The following CABIN1 variants were observed in gnomAD, a reference collection of about 807,000 sequenced individuals.
The protein encoded by CABIN1 is calcineurin-binding protein cabin-1.
Under a neutral mutation model 227.7 loss-of-function variants are expected in CABIN1, and 133 were observed. The ratio of observed to expected loss-of-function variants is 0.58; its 90% CI spans 0.51 to 0.67. The LOEUF (loss-of-function observed/expected upper bound fraction) is 0.67. Ranked by LOEUF, CABIN1 falls within the 30% of genes least tolerant of loss-of-function variation. CABIN1 has a pLI of 0.00. For missense variants in CABIN1, 2,408 were observed against 2,852.5 expected, an observed-to-expected ratio of 0.84 and a Z score of 3.55; for synonymous variants, 1,086 against 1,155.1, an observed-to-expected ratio of 0.94 and a Z score of 1.21.
chr22:24,165,468 A>G (rs2046390505), intron 30 of CABIN1, 62 bp from the exon 31 acceptor site: 1 of 1,415,212 alleles, frequency 7.1e-7, no homozygotes, highest in Non-Finnish European at 9.9e-7. Flanking sequence ...GCCACCATCC[A>G]GCAGTGCCAT....
chr22:24,098,284 T>A, intron 26 of CABIN1, 92 bp downstream of exon 26: 11 of 1,253,704 alleles, frequency 8.8e-6, no homozygotes, highest in East Asian at 5.7e-5. Context: ...TTCGTTTTGG[T>A]GAGGGGGGGT....
chr22:24,039,137 T>A (rs1343651006), intron 4 of CABIN1, among the ~76,000 whole-genome samples: 1 of 152,124 alleles, frequency 6.6e-6, no homozygotes, highest in Non-Finnish European at 1.5e-5. Context: ...TATATTTCAT[T>A]AGGAGGAAAG....
chr22:24,068,991 TA>T (rs1178432614), intron 16 of CABIN1, among the ~76,000 whole-genome samples: 1 of 152,252 alleles, frequency 6.6e-6, no homozygotes, highest in Non-Finnish European at 1.5e-5. Flanking sequence ...AACAGAGAGA[TA>T]AAAAGAGTAT....
In CABIN1 at chr22:24,020,723, TTGG is replaced by T. The variant is rs748855638; in HGVS notation, c.-75+9362_-75+9364del. On this transcript the variant is annotated intron_variant, in intron 1 of 36. Transcript: ENST00000263119. ...TTTAGATAGACACACCTTTCTTCTG[TTGG>T]TGGTGATGGTCGTGTTAGTAAATTC... Among the ~76,000 whole-genome samples, 11 of 152,310 alleles carry T rather than the reference TTGG, an allele frequency of 7.2e-5. No homozygotes were observed. In the East Asian group the frequency reaches 1.3e-3, roughly 19 times the overall value.
chr22:24,069,011 G>A (rs1261042210), intron 16 of CABIN1, among the ~76,000 whole-genome samples: 1 of 152,214 alleles, frequency 6.6e-6, no homozygotes, highest in African/African-American at 2.4e-5. Flanking sequence ...ATTTGCTTTT[G>A]TTTTATTCCC....
chr22:24,034,742 A>G (rs1043977910), intron 1 of CABIN1, among the ~76,000 whole-genome samples: 2 of 152,202 alleles, frequency 1.3e-5, no homozygotes, highest in African/African-American at 4.8e-5. Flanking sequence ...GAGATTCTAA[A>G]TCTCCACATC....
chr22:24,156,094 G>A (rs2045779561), intron 29 of CABIN1: 1 of 415,446 alleles, frequency 2.4e-6, no homozygotes, highest in Non-Finnish European at 4.3e-6. Context: ...CTTGGCGGGG[G>A]CGGGGGCCGG....
rs1312128654 is a variant in CABIN1, at chr22:24,177,664, C to G, written c.6366C>G (p.Ser2122Arg). 2 of 1,613,772 alleles carry G rather than the reference C, an allele frequency of 1.2e-6. No individual in the cohort carries two copies. Among genetic ancestry groups the G allele is most frequent in the African/African-American group, 2.7e-5 (2 of 74,924 alleles). ...PEGHPGKPEP[S>R]RAKSRPLPNM... ...GTCACCCAGGCAAGCCTGAGCCCAG[C>G]CGGGCTAAGTCCCGCCCCCTGCCCA... The change falls in exon 36 of 37, where the codon AGC (serine) becomes AGG (arginine). Residue 2122 changes from serine to arginine, a missense_variant. Physicochemically the swap from Ser to Arg is moderately radical, Grantham distance 110. Coordinates refer to ENST00000263119, the MANE Select transcript of CABIN1 (RefSeq NM_012295.4). The surrounding 1 kb of genome is among the most constrained non-coding windows in gnomAD (Gnocchi z 4.4).
chr22:24,050,388 C>CA (rs2038230366), intron 7 of CABIN1, among the ~76,000 whole-genome samples: 1 of 152,154 alleles, frequency 6.6e-6, no homozygotes, highest in Non-Finnish European at 1.5e-5. Flanking sequence ...GTAGGGCCTC[C>CA]AAGCCCCTGC....
At chr22:24,115,007 G>C (rs1310506159) in intron 27 of CABIN1, among the ~76,000 whole-genome samples, 2 of 152,264 alleles carry the variant, frequency 1.3e-5, no homozygotes, top group Non-Finnish European at 2.9e-5. Context: ...GCAGTCGCCA[G>C]CCAGTGTTGA....
chr22:24,084,553 A>G (rs2041023400), intron 20 of CABIN1, 26 bp from the exon 21 acceptor site: 1 of 1,577,846 alleles, frequency 6.3e-7, no homozygotes, highest in Admixed American at 1.7e-5. Context: ...ATGTGTTACT[A>G]ATCTGCCTTC....
chr22:24,085,426 C>T (rs950533652), intron 22 of CABIN1, among the ~76,000 whole-genome samples: 2 of 152,210 alleles, frequency 1.3e-5, no homozygotes, highest in African/African-American at 4.8e-5. Context: ...TCCATCTGGA[C>T]CCTGGTGTGC....
chr22:24,136,928 G>C (rs1394250044), intron 29 of CABIN1, among the ~76,000 whole-genome samples: 1 of 152,250 alleles, frequency 6.6e-6, no homozygotes, highest in African/African-American at 2.4e-5. Context: ...AATGAAGTGA[G>C]CCCTTTGTCA....
In CABIN1 at chr22:24,086,789, G is replaced by A. The variant is rs542796427; in HGVS notation, c.3264-663G>A. Among the ~76,000 whole-genome samples, 73 of 152,196 alleles carry A rather than the reference G, an allele frequency of 4.8e-4. 1 individual carries two copies. The highest frequency in any genetic ancestry group is 1.7e-3 in the African/African-American group (71 of 41,524). ...GTGTTCTCACTATCAGTTTCTTTCG[G>A]GTGGTCTCAGAATGGTAGGGTCTCA... On this transcript the variant is annotated intron_variant, in intron 22 of 36. Coordinates refer to ENST00000263119, the MANE Select transcript of CABIN1 (RefSeq NM_012295.4).
Position 24,070,868 on chromosome 22 carries a change from T to C in CABIN1, c.2301T>C (p.Ala767=), listed in dbSNP as rs1293859611. The change falls in exon 17 of 37, where the codon GCT becomes GCC. Residue 767 remains alanine (A), a synonymous_variant. Coordinates refer to ENST00000263119, the MANE Select transcript of CABIN1 (RefSeq NM_012295.4). ...GTTCCGATGTGGCTCTGAACGAGGC[T>C]GTCCAGCAGATGGTGAACTCAGGTG... is the stretch of plus-strand genomic sequence containing the variant. ...FECSDVALNE[A]VQQMVNSGEA... 1 of 1,614,236 alleles carries C rather than the reference T, an allele frequency of 6.2e-7. No individual in the cohort carries two copies. The highest frequency in any genetic ancestry group is 1.3e-5 in the African/African-American group (1 of 75,066).
At chr22:24,158,389 C>T (rs1239822322) in intron 29 of CABIN1, among the ~76,000 whole-genome samples, 2 of 152,202 alleles carry the variant, frequency 1.3e-5, no homozygotes, top group Admixed American at 6.5e-5. Context: ...ATGTTCAGCC[C>T]AGCATTCTTC....
chr22:24,099,771 C>T (rs1485381326), intron 26 of CABIN1, among the ~76,000 whole-genome samples: 2 of 152,232 alleles, frequency 1.3e-5, no homozygotes, highest in Non-Finnish European at 2.9e-5. Flanking sequence ...TGCCATGTGG[C>T]CGTGCTCACA....
At chr22:24,061,203 C>T (rs963776557) in intron 12 of CABIN1, among the ~76,000 whole-genome samples, 4 of 152,220 alleles carry the variant, frequency 2.6e-5, no homozygotes, top group African/African-American at 9.6e-5. Flanking sequence ...TGCTGCATTC[C>T]ACACCCCAGC....
intron 34 of CABIN1, among the ~76,000 whole-genome samples, chr22:24,173,797 G>A (rs2046963578): frequency 6.6e-6 from 1 of 152,122 alleles, no homozygotes; most frequent in South Asian, 2.1e-4. Context: ...TCACGCCACT[G>A]CACTCCAGCC....
Sources: gnomAD v4.1 joint callset for allele counts (sites outside exome capture counted in the v4.1 genomes callset) on GRCh38, gnomAD v4.1.1 for gene constraint, Gnocchi (gnomAD v3.1) non-coding constraint, MANE v1.5 for transcripts, NCBI Gene and HGNC (gene_info 2026-07-23, HGNC 2026-07-21) for gene names.